ANKRD44: variants seen among roughly 807,000 people sequenced by gnomAD.
ANKRD44 encodes serine/threonine-protein phosphatase 6 regulatory ankyrin repeat subunit B.
In ANKRD44, 35 loss-of-function variants were observed where a neutral mutation model predicts 116.0. The observed-to-expected ratio is 0.30, with a 90% CI of 0.23 to 0.40. The LOEUF (loss-of-function observed/expected upper bound fraction) is 0.40, where lower values mean the gene tolerates loss of function less well. Among genes scored for constraint, ANKRD44 ranks in the 10% least tolerant of loss-of-function variants. ANKRD44 has a pLI of 1.00. For synonymous variants in ANKRD44, 435 were observed against 461.8 expected, an observed-to-expected ratio of 0.94 and a Z score of 0.74; for missense variants, 1,014 against 1,242.6, an observed-to-expected ratio of 0.82 and a Z score of 2.77.
At position 196,987,396 on chromosome 2, in the gene ANKRD44, C is replaced by T. The variant is rs916566490; in HGVS notation, c.*2195G>A. The T allele has an allele frequency of 1.0e-6, 1 of 984,832 alleles. No homozygotes were observed. The highest frequency in any genetic ancestry group is 1.2e-6 in the Non-Finnish European group (1 of 829,418). 61.0% of individuals were successfully genotyped at this position (984,832 alleles called of 1,614,324 possible). A position where few individuals can be genotyped will look rare whatever the true frequency, so the allele number is the denominator to read the frequency against. On this transcript the variant is annotated 3_prime_UTR_variant, in exon 28 of 28. Coordinates refer to ENST00000282272, the MANE Select transcript of ANKRD44 (RefSeq NM_001195144.2). ...AAAAAATACAAAACATTCCACAGAA[C>T]ATTTTCAGAATATACAAATATAAAA...
intron 1 of ANKRD44, among the ~76,000 whole-genome samples, chr2:197,241,633 A>G (rs1330510001): frequency 1.3e-5 from 2 of 152,194 alleles, no homozygotes; most frequent in African/African-American, 2.4e-5. Flanking sequence ...TAAAAAAAAC[A>G]TTTGAATCTA....
In ANKRD44 at chr2:197,078,800, A is replaced by C; in HGVS notation, c.1553T>G (p.Leu518Arg). Residue 518 changes from leucine (L) to arginine (R), a missense_variant, in exon 16 of 28, where the codon CTG becomes CGG. Transcript: ENST00000282272. ...EKEATLCLEF[L>R]LQNDANPSIR... The stretch of plus-strand genomic sequence containing the variant: ...AGATGGATTTGCATCATTTTGAAGC[A>C]GAAACTCTAGACATCTGTAAGTATA... The C allele has an allele frequency of 6.2e-7, 1 of 1,613,074 alleles. No individual in the cohort carries two copies. Among genetic ancestry groups the C allele is most frequent in the South Asian group, 1.1e-5 (1 of 91,060 alleles).
intron 1 of ANKRD44, among the ~76,000 whole-genome samples, chr2:197,253,619 A>G (rs370141041): frequency 2.6e-5 from 4 of 152,366 alleles, no homozygotes; most frequent in African/African-American, 9.6e-5. Context: ...GACCAGAAAG[A>G]TATTAATGTA....
At chr2:197,042,507 A>G (rs894125800) in intron 16 of ANKRD44, among the ~76,000 whole-genome samples, 6 of 151,926 alleles carry the variant, frequency 3.9e-5, no homozygotes, top group African/African-American at 1.2e-4. Context: ...ACTAAAAAAA[A>G]AAAAAAAAAA....
At chr2:197,020,917 T>A (rs1157236296) in intron 17 of ANKRD44, among the ~76,000 whole-genome samples, 1 of 152,084 alleles carries the variant, frequency 6.6e-6, no homozygotes, top group East Asian at 1.9e-4. Flanking sequence ...TCATTTACAT[T>A]AGGTATTTCT....
intron 14 of ANKRD44, among the ~76,000 whole-genome samples, chr2:197,083,168 G>A (rs184701814): frequency 2.0e-5 from 3 of 152,324 alleles, no homozygotes. Flanking sequence ...AAAGAACAGA[G>A]AAGTTATTGT....
intron 1 of ANKRD44, among the ~76,000 whole-genome samples, chr2:197,257,230 C>G (rs1296464563): frequency 6.6e-6 from 1 of 152,130 alleles, no homozygotes; most frequent in Non-Finnish European, 1.5e-5. Flanking sequence ...GATCATTTTG[C>G]AAAGGAAGTC....
chr2:197,225,656 A>C (rs2081692459), intron 1 of ANKRD44, among the ~76,000 whole-genome samples: 1 of 152,190 alleles, frequency 6.6e-6, no homozygotes, highest in African/African-American at 2.4e-5. Context: ...TCTGCACTGC[A>C]TTACATTTAA....
At chr2:197,281,826 T>C (rs986867816) in intron 1 of ANKRD44, among the ~76,000 whole-genome samples, 9 of 152,226 alleles carry the variant, frequency 5.9e-5, no homozygotes, top group Admixed American at 3.9e-4. Flanking sequence ...CTCATTTTCT[T>C]CCCAGCAGTG....
At chr2:197,222,845 C>G (rs1224789899) in intron 1 of ANKRD44, among the ~76,000 whole-genome samples, 1 of 150,874 alleles carries the variant, frequency 6.6e-6, no homozygotes, top group Non-Finnish European at 1.5e-5. Context: ...CGGATTCTCA[C>G]TCTGTCGCCC....
chr2:196,995,495 A>T, intron 25 of ANKRD44, 34 bp from the exon 26 acceptor site: 1 of 1,464,714 alleles, frequency 6.8e-7, no homozygotes. Context: ...GAAATGCAAG[A>T]TAGAGACACA....
intron 1 of ANKRD44, among the ~76,000 whole-genome samples, chr2:197,249,188 G>A (rs976774864): frequency 1.3e-5 from 2 of 152,284 alleles, no homozygotes; most frequent in Admixed American, 6.5e-5. Flanking sequence ...CTGGAGGATC[G>A]CTTGAGCCCA....
At chr2:197,097,577 C>T (rs190589979) in intron 10 of ANKRD44, among the ~76,000 whole-genome samples, 1 of 152,158 alleles carries the variant, frequency 6.6e-6, no homozygotes, top group Non-Finnish European at 1.5e-5. Flanking sequence ...AAAGACATCC[C>T]ACTGCTAATA....
intron 17 of ANKRD44, chr2:197,015,529 C>T (rs181278722): frequency 2.7e-5 from 13 of 481,632 alleles, no homozygotes; most frequent in Non-Finnish European, 3.5e-5. Context: ...GCAGAGAGGT[C>T]GTGGAGGTGG....
intron 16 of ANKRD44, among the ~76,000 whole-genome samples, chr2:197,050,715 G>A (rs756499464): frequency 6.6e-6 from 1 of 152,002 alleles, no homozygotes; most frequent in Non-Finnish European, 1.5e-5. Context: ...GAGCCATCAC[G>A]CCTGGCCTAA....
intron 1 of ANKRD44, among the ~76,000 whole-genome samples, chr2:197,217,441 AG>A (rs2081474884): frequency 6.6e-6 from 1 of 152,230 alleles, no homozygotes; most frequent in Non-Finnish European, 1.5e-5. Context: ...GGATCCTCAT[AG>A]CCCACCAAAA....
At chr2:196,977,881 C>G (rs1357034615) in intron 21 of ANKRD44, among the ~76,000 whole-genome samples, 1 of 152,044 alleles carries the variant, frequency 6.6e-6, no homozygotes, top group African/African-American at 2.4e-5. Flanking sequence ...AAACATATGT[C>G]CATAAAAAAG....
At chr2:197,084,097 A>C (rs1278004651) in intron 13 of ANKRD44, among the ~76,000 whole-genome samples, 2 of 152,166 alleles carry the variant, frequency 1.3e-5, no homozygotes, top group Non-Finnish European at 2.9e-5. Context: ...CATGTTCTAA[A>C]ACCTTTGGTT....
chr2:197,032,319 G>A (rs73988085), intron 16 of ANKRD44, among the ~76,000 whole-genome samples: 3 of 152,040 alleles, frequency 2.0e-5, no homozygotes, highest in African/African-American at 7.2e-5. Context: ...TTTCTAAACT[G>A]TGAATTAATA....
Sources: allele counts gnomAD v4.1 joint callset (sites outside exome capture counted in the v4.1 genomes callset), GRCh38; gene constraint gnomAD v4.1.1; transcripts MANE v1.5; gene names NCBI Gene and HGNC (gene_info 2026-07-23, HGNC 2026-07-21).